The following NUP205 variants were observed in gnomAD, a reference collection of about 807,000 sequenced individuals.
NUP205 encodes nuclear pore complex protein Nup205.
A neutral mutation model predicts 253.8 loss-of-function variants in NUP205; 76 were observed. The observed-to-expected ratio is 0.30, with a 90% CI of 0.25 to 0.36. NUP205 has a LOEUF of 0.36. Among genes scored for constraint, NUP205 ranks in the 10% least tolerant of loss-of-function variants. The pLI is 1.00. For synonymous variants in NUP205, 832 were observed against 850.1 expected (o/e 0.98, Z 0.37); for missense variants, 2,162 against 2,425.5 (o/e 0.89, Z 2.28).
At position 135,577,952 on chromosome 7, in the gene NUP205, C is replaced by G. The variant is rs1359648224; in HGVS notation, c.805C>G (p.Leu269Val). The change falls in exon 6 of 43, where the codon CTG becomes GTG. Residue 269 changes from leucine to valine, a missense_variant. This residue lies in a region of NUP205 where 892 missense variants were observed against 957.1 expected (regional missense o/e 0.93). Transcript: ENST00000285968. The part of the protein sequence containing the change: ...EANGSLDAVN[L>V]ALLMALLYCF... ...TAATGGCTCACTGGATGCAGTGAAT[C>G]TGGCTCTTCTTATGGCGCTTCTATA... The G allele has an allele frequency of 6.2e-7, 1 of 1,613,922 alleles. No individual in the cohort carries two copies. Among genetic ancestry groups the G allele is most frequent in the Admixed American group, 1.7e-5 (1 of 59,988 alleles).
chr7:135,629,518 TCTCTGTCTC>T (rs1794664155), intron 34 of NUP205, among the ~76,000 whole-genome samples: 1 of 140,350 alleles, frequency 7.1e-6, no homozygotes, highest in African/African-American at 2.6e-5. Context: ...TCTGTCTCTC[TCTCTGTCTC>T]TCTTTTTTTT....
At chr7:135,632,851 A>G (rs1253930011) in intron 35 of NUP205, among the ~76,000 whole-genome samples, 1 of 152,148 alleles carries the variant, frequency 6.6e-6, no homozygotes, top group Admixed American at 6.5e-5. Flanking sequence ...CAGGGTCTCC[A>G]TGAGATTTTT....
intron 1 of NUP205, 132 bp downstream of exon 1, chr7:135,558,104 C>A: frequency 1.3e-6 from 1 of 778,272 alleles, no homozygotes; most frequent in Non-Finnish European, 2.3e-6. Flanking sequence ...TAATTCTGGG[C>A]CTAGAGTCCC....
intron 2 of NUP205, 148 bp from the exon 3 acceptor site, chr7:135,573,506 A>T (rs1806058181): frequency 7.7e-6 from 4 of 518,456 alleles, no homozygotes; most frequent in Non-Finnish European, 1.3e-5. Context: ...TTACTTCATA[A>T]AAGTCTGTTC....
chr7:135,628,490 A>G (rs938479690), intron 34 of NUP205, among the ~76,000 whole-genome samples: 2 of 152,220 alleles, frequency 1.3e-5, no homozygotes, highest in Non-Finnish European at 1.5e-5. Flanking sequence ...TCACGCCTGT[A>G]ATCCCAGCAC....
chr7:135,559,836 C>T (rs999850366), intron 1 of NUP205, among the ~76,000 whole-genome samples: 3 of 151,848 alleles, frequency 2.0e-5, no homozygotes, highest in Non-Finnish European at 4.4e-5. Context: ...GGATTACAGG[C>T]GCCCGCCACC....
chr7:135,607,060 G>T, intron 21 of NUP205, 145 bp downstream of exon 21: 1 of 1,126,116 alleles, frequency 8.9e-7, no homozygotes, highest in East Asian at 2.5e-5. Flanking sequence ...GTTCTTTAGG[G>T]CTTAGAACAA....
At chr7:135,621,460 T>C (rs1365732132) in intron 30 of NUP205, among the ~76,000 whole-genome samples, 2 of 152,218 alleles carry the variant, frequency 1.3e-5, no homozygotes, top group Admixed American at 6.5e-5. Flanking sequence ...GGCTCTACAA[T>C]AGGCTTTTTA....
chr7:135,581,023 G>T (rs557161224), intron 7 of NUP205, among the ~76,000 whole-genome samples: 1 of 152,136 alleles, frequency 6.6e-6, no homozygotes, highest in African/African-American at 2.4e-5. Context: ...AGCTTTAATA[G>T]TTAGGGGTAT....
In NUP205 at chr7:135,614,261, T is replaced by G. The variant is rs1410762339; in HGVS notation, c.3298T>G (p.Phe1100Val). The G allele has an allele frequency of 6.4e-7, 1 of 1,573,722 alleles. No individual in the cohort carries two copies. The highest frequency in any genetic ancestry group is 1.7e-5 in the Admixed American group (1 of 59,950). The change falls in exon 23 of 43, where the codon TTT becomes GTT. Residue 1100 changes from phenylalanine (F) to valine (V), a missense_variant. Physicochemically the swap from Phe to Val is conservative, Grantham distance 50. Around this residue, in one of 5 missense-constraint regions of NUP205, gnomAD observed 1,144 missense variants for 1,280.9 expected, o/e 0.89. Coordinates refer to ENST00000285968, the MANE Select transcript of NUP205 (RefSeq NM_015135.3). ...FLFSQLQYLPFSNKEYEISML... is the reference protein window; with the variant it reads ...FLFSQLQYLPVSNKEYEISML... ...ATTTTCCCAGTTGCAGTATCTACCA[T>G]TTTCTAACAAAGGTAGGCCATTATT...
chr7:135,621,389 G>T (rs542344373), intron 30 of NUP205, among the ~76,000 whole-genome samples: 1 of 152,180 alleles, frequency 6.6e-6, no homozygotes, highest in Non-Finnish European at 1.5e-5. Context: ...TTTTGTGTGT[G>T]TGTTTTTCTT....
At chr7:135,582,824 C>A (rs1252267408) in intron 7 of NUP205, among the ~76,000 whole-genome samples, 3 of 151,512 alleles carry the variant, frequency 2.0e-5, no homozygotes, top group African/African-American at 7.3e-5. Flanking sequence ...GGCATGGCGA[C>A]TCATGCCTGT....
chr7:135,596,795 CA>C (rs367765752), intron 13 of NUP205, among the ~76,000 whole-genome samples: 82 of 141,344 alleles, frequency 5.8e-4, no homozygotes, highest in Middle Eastern at 3.6e-3. Flanking sequence ...ACTAAAAATA[CA>C]AAAAAAAAAA....
At chr7:135,607,455 C>T in intron 22 of NUP205, 84 bp downstream of exon 22, 1 of 1,420,496 alleles carries the variant, frequency 7.0e-7, no homozygotes, top group Non-Finnish European at 9.5e-7. Flanking sequence ...GACAGTATAA[C>T]AGCAGGACTT....
chr7:135,615,727 A>C (rs947050261), intron 23 of NUP205, among the ~76,000 whole-genome samples, 189 bp from the exon 24 acceptor site: 2 of 151,720 alleles, frequency 1.3e-5, no homozygotes, highest in African/African-American at 4.8e-5. Context: ...ATACTAGCTT[A>C]TTTTTTTCTT....
chr7:135,564,620 C>T (rs1056753550), intron 1 of NUP205, among the ~76,000 whole-genome samples: 6 of 151,342 alleles, frequency 4.0e-5, no homozygotes, highest in Non-Finnish European at 5.9e-5. Context: ...CACTTAAGCT[C>T]CTTGAACCTT....
At chr7:135,579,436 C>T (rs1285169439) in intron 7 of NUP205, among the ~76,000 whole-genome samples, 10 of 152,020 alleles carry the variant, frequency 6.6e-5, no homozygotes, top group African/African-American at 2.2e-4. Flanking sequence ...TCAGGTGATC[C>T]GACTGCCTTG....
intron 19 of NUP205, 126 bp from the exon 20 acceptor site, chr7:135,606,019 C>G (rs1195748398): frequency 1.6e-6 from 1 of 622,100 alleles, no homozygotes; most frequent in East Asian, 2.7e-5. Flanking sequence ...GTAACTAAAA[C>G]GTAAATACCT....
At position 135,577,031 on chromosome 7, in the gene NUP205, A is replaced by G. The variant is rs1291993404; in HGVS notation, c.551A>G (p.Tyr184Cys). 2 of 1,614,162 alleles carry G rather than the reference A, an allele frequency of 1.2e-6. No homozygotes were observed. The highest frequency in any genetic ancestry group is 1.7e-6 in the Non-Finnish European group (2 of 1,179,970). Residue 184 changes from tyrosine to cysteine, a missense_variant, in exon 5 of 43, where the codon TAT becomes TGT. Transcript: ENST00000285968. ...GAGCTGATGGAGCAAGGATTGACTT[A>G]TAAAGTTCTTACGCTGGTGTCACAG... The part of the protein sequence containing the change: ...TDELMEQGLT[Y>C]KVLTLVSQID...
Sources: gnomAD v4.1 joint callset for allele counts (sites outside exome capture counted in the v4.1 genomes callset) on GRCh38, gnomAD v4.1.1 for gene constraint, gnomAD v4.1.1 regional missense constraint, MANE v1.5 for transcripts, NCBI Gene and HGNC (gene_info 2026-07-23, HGNC 2026-07-21) for gene names.